The following RHOU variants were observed in gnomAD, a reference collection of about 807,000 sequenced individuals.
The protein encoded by RHOU is ras homolog family member U.
RHOU carries 8 observed loss-of-function variants against 12.6 expected under a neutral mutation model. The ratio of observed to expected loss-of-function variants is 0.64; its 90% CI spans 0.37 to 1.15. RHOU has a LOEUF of 1.15. Ranked by LOEUF, RHOU falls within the 50% of genes most tolerant of loss-of-function variation. The probability of loss-of-function intolerance (pLI) is 0.01; values close to 1 mark genes in which losing one functional copy is unlikely to be tolerated. For synonymous variants in RHOU, 161 were observed against 147.4 expected (o/e 1.09, Z -0.67); for missense variants, 258 against 347.0 (o/e 0.74, Z 2.04).
the RHOU span, among the ~76,000 whole-genome samples, chr1:228,671,438 C>T: frequency 1.1e-3 from 172 of 151,382 alleles, no homozygotes; most frequent in South Asian, 5.9e-3. Context: ...GACAATCGGC[C>T]GGGGGTGGTG....
At chr1:228,648,104 A>C in the RHOU span, 2 of 152,198 alleles carry the variant, frequency 1.3e-5, no homozygotes, top group Non-Finnish European at 2.9e-5. Context: ...CGCCACCTCT[A>C]ATCCAGTGCC....
chr1:228,731,179 T>C (rs1662488981), upstream of RHOU, among the ~76,000 whole-genome samples: 2 of 152,028 alleles, frequency 1.3e-5, no homozygotes, highest in Admixed American at 1.3e-4. Context: ...TGAGCAAGGG[T>C]AGGTGTTGTA....
chr1:228,710,288 A>G, the RHOU span, among the ~76,000 whole-genome samples: 2 of 152,178 alleles, frequency 1.3e-5, no homozygotes, highest in Non-Finnish European at 2.9e-5. Context: ...GAAAAAGAGT[A>G]AATCCTCCCT....
the RHOU span, among the ~76,000 whole-genome samples, chr1:228,689,181 C>A: frequency 6.6e-6 from 1 of 152,106 alleles, no homozygotes; most frequent in Non-Finnish European, 1.5e-5. Context: ...TTTTTTCCAT[C>A]TTATTCCAAC....
chr1:228,673,685 T>C, the RHOU span, among the ~76,000 whole-genome samples: 1 of 152,210 alleles, frequency 6.6e-6, no homozygotes, highest in African/African-American at 2.4e-5. Context: ...CCTTCCGCCA[T>C]AATGTAAGTT....
At chr1:228,740,278 G>T (rs1165546652) in intron 2 of RHOU, among the ~76,000 whole-genome samples, 1 of 152,032 alleles carries the variant, frequency 6.6e-6, no homozygotes, top group Non-Finnish European at 1.5e-5. Context: ...TATTCTTCTG[G>T]CCTCTTAGCA....
At chr1:228,727,543 C>G in the RHOU span, among the ~76,000 whole-genome samples, 595 of 152,274 alleles carry the variant, frequency 3.9e-3, 2 homozygotes, top group African/African-American at 0.013. Context: ...CTCAGACTGA[C>G]AAGCAGATTT....
rs201941054 is a variant in RHOU, at chr1:228,743,429, A to G, written c.466A>G (p.Ile156Val). Residue 156 changes from isoleucine to valine, a missense_variant, in exon 3 of 3, where the codon ATC becomes GTC. Transcript: ENST00000366691. The surrounding 1 kb of genome is among the most constrained non-coding windows in gnomAD (Gnocchi z 5.1). ...TCGATGCCACTGTCCCAAAGCCCCC[A>G]TCATCCTAGTTGGAACGCAGTCGGA... is the stretch of plus-strand genomic sequence containing the variant. ...EIRCHCPKAP[I>V]ILVGTQSDLR... is the part of the protein sequence containing the mutation. 1.9e-4 allele frequency: 314 copies of G among 1,614,072 alleles called. No homozygotes were observed. The highest frequency in any genetic ancestry group is 2.5e-4 in the Non-Finnish European group (293 of 1,180,054).
At chr1:228,673,959 C>G in the RHOU span, among the ~76,000 whole-genome samples, 1 of 152,154 alleles carries the variant, frequency 6.6e-6, no homozygotes, top group African/African-American at 2.4e-5. Context: ...GTAGATCCTT[C>G]CAAAGAATTT....
At chr1:228,739,846 G>A (rs1009244180) in intron 2 of RHOU, among the ~76,000 whole-genome samples, 3 of 152,214 alleles carry the variant, frequency 2.0e-5, no homozygotes, top group African/African-American at 4.8e-5. Context: ...CATAGTGCCT[G>A]GCACATAGCA....
chr1:228,681,143 C>A, the RHOU span, among the ~76,000 whole-genome samples: 4 of 152,188 alleles, frequency 2.6e-5, no homozygotes, highest in Non-Finnish European at 4.4e-5. Context: ...AGCCTAAACG[C>A]TGGCTGATTT....
At position 228,735,790 on chromosome 1, in the gene RHOU, G is replaced by A; in HGVS notation, c.48G>A (p.Ala16=). 1 of 1,215,770 alleles carries A rather than the reference G, an allele frequency of 8.2e-7. No individual in the cohort carries two copies. 75.3% of individuals were successfully genotyped at this position (1,215,770 alleles called of 1,614,324 possible). A position where few individuals can be genotyped will look rare whatever the true frequency, so the allele number is the denominator to read the frequency against. The change falls in exon 1 of 3, where the codon GCG becomes GCA. Residue 16 remains alanine (A), a synonymous_variant. Transcript: ENST00000366691. The surrounding 1 kb of genome is among the most constrained non-coding windows in gnomAD (Gnocchi z 8.1). ...CCGCGTTCCCCGACCGCTGCGAGGC[G>A]CCTCCGGTGCCGCCGCGTCGGGAGC... ...GDPAFPDRCE[A]PPVPPRRERG...
upstream of RHOU, among the ~76,000 whole-genome samples, chr1:228,732,150 T>C (rs1229342244): frequency 6.6e-6 from 1 of 152,224 alleles, no homozygotes; most frequent in African/African-American, 2.4e-5. Context: ...AAACATGTTT[T>C]CCTTTCACTT....
chr1:228,663,667 C>G, the RHOU span, among the ~76,000 whole-genome samples: 13 of 96,016 alleles, frequency 1.4e-4, no homozygotes. Flanking sequence ...GAATTTCACT[C>G]TGTCCCCCAG....
At chr1:228,718,634 G>C in the RHOU span, among the ~76,000 whole-genome samples, 4 of 152,190 alleles carry the variant, frequency 2.6e-5, no homozygotes, top group African/African-American at 9.7e-5. Context: ...CAGAGTCTTA[G>C]GGAACTTTCT....
At chr1:228,689,740 C>G in the RHOU span, among the ~76,000 whole-genome samples, 1 of 151,726 alleles carries the variant, frequency 6.6e-6, no homozygotes, top group Non-Finnish European at 1.5e-5. Context: ...GGTGCTGGCT[C>G]TTAATGATAA....
At chr1:228,733,193 A>G (rs1662527739), upstream of RHOU, among the ~76,000 whole-genome samples, 1 of 152,246 alleles carries the variant, frequency 6.6e-6, no homozygotes, top group Admixed American at 6.5e-5. Flanking sequence ...TGTATGATGC[A>G]TTTGTAAGTG....
At chr1:228,656,932 C>T in the RHOU span, among the ~76,000 whole-genome samples, 20 of 152,100 alleles carry the variant, frequency 1.3e-4, no homozygotes, top group African/African-American at 4.8e-4. Flanking sequence ...ATGCTGTCTA[C>T]AAGAGAGAAA....
At chr1:228,687,535 A>G in the RHOU span, 1 of 1,577,628 alleles carries the variant, frequency 6.3e-7, no homozygotes, top group South Asian at 1.1e-5. Context: ...CAGGATATCA[A>G]GAAACCAGAC....
Sources: gnomAD v4.1 joint callset for allele counts (sites outside exome capture counted in the v4.1 genomes callset) on GRCh38, gnomAD v4.1.1 for gene constraint, Gnocchi (gnomAD v3.1) non-coding constraint, MANE v1.5 for transcripts, NCBI Gene and HGNC (gene_info 2026-07-23, HGNC 2026-07-21) for gene names.